Variants in TAOK1 observed in about 807,000 individuals in gnomAD.
The protein encoded by TAOK1 is TAO kinase 1.
Under a neutral mutation model 138.3 loss-of-function variants are expected in TAOK1, and 21 were observed. The observed-to-expected ratio is 0.15, with a 90% confidence interval of 0.11 to 0.22. The LOEUF (loss-of-function observed/expected upper bound fraction) is 0.22. Ranked by LOEUF, TAOK1 falls within the 10% of genes least tolerant of loss-of-function variation. The probability of loss-of-function intolerance (pLI) is 1.00; values close to 1 mark genes in which losing one functional copy is unlikely to be tolerated. For synonymous variants in TAOK1, 361 were observed against 398.4 expected (o/e 0.91, Z 1.12); for missense variants, 651 against 1,227.7 (o/e 0.53, Z 7.02).
chr17:29,471,161 A>AAT (rs113334146), intron 3 of TAOK1, among the ~76,000 whole-genome samples: 82,959 of 148,936 alleles, frequency 0.56, 23,630 homozygotes, highest in East Asian at 0.96. Context: ...TCATCTAAAA[A>AAT]ATATATATAT....
rs3058623 is a variant in TAOK1, at chr17:29,465,837, C to CTTTTTTTTTTTT, written c.133-1292_133-1281dup. Among the ~76,000 whole-genome samples, 399 of 45,410 alleles carry CTTTTTTTTTTTT rather than the reference C, an allele frequency of 8.8e-3. 129 individuals carry two copies. Among genetic ancestry groups the CTTTTTTTTTTTT allele is most frequent in the East Asian group, 0.027 (25 of 942 alleles). The allele number at this position is 45,410 out of a possible 152,430, so 29.8% of individuals were successfully genotyped here. On this transcript the variant is annotated intron_variant, in intron 2 of 19. Coordinates refer to ENST00000261716, the MANE Select transcript of TAOK1 (RefSeq NM_020791.4). ...AAGAGTTAACTGTCAAGTTTCTGTGCTTTTTTTTTTTTTTTTTTTTTTTTT... is the reference window on the plus strand; with the variant it reads ...AAGAGTTAACTGTCAAGTTTCTGTGCTTTTTTTTTTTTTTTTTTTTTTTTTTTTTTTTTTTTT...
chr17:29,500,569 C>T (rs1018390391), intron 12 of TAOK1, among the ~76,000 whole-genome samples: 15 of 151,848 alleles, frequency 9.9e-5, no homozygotes, highest in South Asian at 2.1e-4. Context: ...GGTGAAACAC[C>T]GTCTCTACTA....
chr17:29,519,328 T>C (rs1415341715), intron 16 of TAOK1, among the ~76,000 whole-genome samples: 2 of 151,884 alleles, frequency 1.3e-5, no homozygotes, highest in Non-Finnish European at 2.9e-5. Context: ...CTGGCCAACA[T>C]AGTGAAACCC....
Position 29,510,872 on chromosome 17 carries a change from G to T in TAOK1, c.1584G>T (p.Val528=). 2 of 1,599,160 alleles carry T rather than the reference G, an allele frequency of 1.3e-6. No homozygotes were observed. The highest frequency in any genetic ancestry group is 1.7e-6 in the Non-Finnish European group (2 of 1,174,032). ...HQAAMEKEAK[V]MSNEEKKFQQ... ...TTTTAAACTTCATATAGGCTAAAGTGATGTCCAATGAAGAGAAAAAATTTC... is the reference window on the plus strand; with the variant it reads ...TTTTAAACTTCATATAGGCTAAAGTTATGTCCAATGAAGAGAAAAAATTTC... The change falls in exon 15 of 20, where the codon GTG becomes GTT. Residue 528 remains valine, a synonymous_variant. Coordinates refer to ENST00000261716, the MANE Select transcript of TAOK1 (RefSeq NM_020791.4).
intron 7 of TAOK1, among the ~76,000 whole-genome samples, chr17:29,481,936 G>C (rs2031072953): frequency 6.6e-6 from 1 of 152,012 alleles, no homozygotes; most frequent in Non-Finnish European, 1.5e-5. Flanking sequence ...CTCCAGCCTG[G>C]GTGACAGAGC....
intron 1 of TAOK1, among the ~76,000 whole-genome samples, chr17:29,435,357 A>G (rs1267399220): frequency 2.0e-5 from 3 of 152,220 alleles, no homozygotes; most frequent in Non-Finnish European, 4.4e-5. Flanking sequence ...TTGTTAAAAA[A>G]TCATGATAGG....
intron 1 of TAOK1, among the ~76,000 whole-genome samples, chr17:29,442,439 C>T (rs970488560): frequency 7.3e-5 from 11 of 150,102 alleles, no homozygotes; most frequent in Admixed American, 4.0e-4. Context: ...GTTCTGCTAG[C>T]ATATTTTTGT....
At chr17:29,536,301 A>C (rs1413289816) in intron 19 of TAOK1, among the ~76,000 whole-genome samples, 1 of 150,914 alleles carries the variant, frequency 6.6e-6, no homozygotes. Flanking sequence ...TCTGTCTCAA[A>C]AAATAAGATG....
At chr17:29,539,880 G>A (rs79082097) in intron 19 of TAOK1, among the ~76,000 whole-genome samples, 2,598 of 151,994 alleles carry the variant, frequency 0.017, 76 homozygotes, top group African/African-American at 0.059. Flanking sequence ...ACCCTGTCTC[G>A]AAAAAAAGCA....
intron 7 of TAOK1, 54 bp downstream of exon 7, chr17:29,480,535 C>A: frequency 7.0e-7 from 1 of 1,438,712 alleles, no homozygotes; most frequent in Non-Finnish European, 9.6e-7. Flanking sequence ...CTATGTTTAA[C>A]ATGAAATACA....
intron 15 of TAOK1, among the ~76,000 whole-genome samples, chr17:29,515,924 T>C (rs2031805385): frequency 6.6e-6 from 1 of 152,112 alleles, no homozygotes; most frequent in Non-Finnish European, 1.5e-5. Flanking sequence ...TAAGAACTTT[T>C]ATTTGTTTAT....
At chr17:29,429,955 T>C (rs892363879) in intron 1 of TAOK1, among the ~76,000 whole-genome samples, 1 of 152,204 alleles carries the variant, frequency 6.6e-6, no homozygotes, top group African/African-American at 2.4e-5. Flanking sequence ...TAAAATTTAA[T>C]TTTTATCTTG....
intron 2 of TAOK1, among the ~76,000 whole-genome samples, chr17:29,453,251 C>T (rs2030289443): frequency 6.6e-6 from 1 of 151,492 alleles, no homozygotes; most frequent in Non-Finnish European, 1.5e-5. Context: ...GCTCCGCCTC[C>T]CGGGTTCATG....
chr17:29,540,446 C>A (rs1478200556), intron 19 of TAOK1, among the ~76,000 whole-genome samples: 4 of 152,280 alleles, frequency 2.6e-5, no homozygotes, highest in African/African-American at 9.6e-5. Context: ...CTCACTGCAA[C>A]CTTCGCCTCC....
intron 19 of TAOK1, among the ~76,000 whole-genome samples, chr17:29,541,098 T>C (rs1214401470): frequency 6.0e-5 from 1 of 16,804 alleles, no homozygotes; most frequent in East Asian, 1.9e-3. Context: ...TGAAAAAAAT[T>C]TTTGTTTTGT....
intron 2 of TAOK1, among the ~76,000 whole-genome samples, chr17:29,456,125 A>G (rs2153024652): frequency 6.6e-6 from 1 of 150,602 alleles, no homozygotes; most frequent in East Asian, 1.9e-4. Context: ...AGGCAGGCAG[A>G]TCACCTGAGG....
intron 3 of TAOK1, among the ~76,000 whole-genome samples, chr17:29,469,859 C>T (rs1241253037): frequency 1.3e-5 from 2 of 152,198 alleles, no homozygotes; most frequent in African/African-American, 4.8e-5. Context: ...AAATTTGAAA[C>T]TTAAAGACCA....
intron 8 of TAOK1, among the ~76,000 whole-genome samples, chr17:29,487,246 C>CAAAAAAAAAAAAAAA (rs71138823): frequency 2.2e-5 from 2 of 90,292 alleles, no homozygotes; most frequent in African/African-American, 1.0e-4. Context: ...ACTGTGTCTC[C>CAAAAAAAAAAAAAAA]AAAAAAAAAA....
At chr17:29,455,193 G>C (rs2030342991) in intron 2 of TAOK1, among the ~76,000 whole-genome samples, 1 of 151,114 alleles carries the variant, frequency 6.6e-6, no homozygotes, top group Non-Finnish European at 1.5e-5. Context: ...TTACAGGTGT[G>C]AGCCACTGCA....
Sources: allele counts gnomAD v4.1 joint callset (sites outside exome capture counted in the v4.1 genomes callset), GRCh38; gene constraint gnomAD v4.1.1; transcripts MANE v1.5; gene names NCBI Gene and HGNC (gene_info 2026-07-23, HGNC 2026-07-21).